Variants in FANCI observed in about 807,000 individuals in gnomAD.
FANCI encodes FA complementation group I.
FANCI carries 156 observed loss-of-function variants against 176.1 expected under a neutral mutation model. The observed-to-expected ratio is 0.89, with a 90% CI of 0.78 to 1.01. The LOEUF (loss-of-function observed/expected upper bound fraction) is 1.01. Among genes scored for constraint, FANCI ranks in the 50% least tolerant of loss-of-function variants. The pLI is 0.00. For synonymous variants in FANCI, 613 were observed against 541.7 expected (o/e 1.13, Z -1.83); for missense variants, 1,678 against 1,534.1 (o/e 1.09, Z -1.57).
rs145192583 is a variant in FANCI at position 89,300,313 on chromosome 15, G to T, written c.2817G>T (p.Lys939Asn). The change falls in exon 26 of 38, where the codon AAG becomes AAT. Residue 939 changes from lysine (K) to asparagine (N), a missense_variant. Physicochemically the swap from Lys to Asn is moderately conservative, Grantham distance 94 (BLOSUM62 0). Around this residue, in one of 3 missense-constraint regions of FANCI, gnomAD observed 1,204 missense variants for 1,077.4 expected, o/e 1.12. Transcript: ENST00000310775. ...TTCCATTCCTAGATGTCACAGATAAGGAAGGAGAAGAGAGAGAAGATGCAG... is the reference window on the plus strand; with the variant it reads ...TTCCATTCCTAGATGTCACAGATAATGAAGGAGAAGAGAGAGAAGATGCAG... ...QFLRALDVTD[K>N]EGEEREDADV... 450 of 1,613,730 alleles carry T rather than the reference G, an allele frequency of 2.8e-4. 1 individual carries two copies. The African/African-American group carries it at 4.4e-3, about 16-fold the overall frequency.
Position 89,315,387 on chromosome 15 carries a change from G to A in FANCI, c.3922G>A (p.Glu1308Lys). The A allele has an allele frequency of 2.5e-6, 4 of 1,604,716 alleles. No homozygotes were observed. Among genetic ancestry groups the A allele is most frequent in the Non-Finnish European group, 3.4e-6 (4 of 1,171,504 alleles). Residue 1308 changes from glutamate (E) to lysine (K), a missense_variant and splice_region_variant, in exon 37 of 38, where the codon GAG becomes AAG. Transcript: ENST00000310775. ...AGAGGATGGTGAAGATGAAAATGAA[G>A]AGGTCAGTGCTGGCTTCTGTCTGGA... Reference protein sequence around the residue: ...LREDGEDENEEGTASEHGGQN... With the variant: ...LREDGEDENEKGTASEHGGQN...
rs571745030 is a variant in FANCI at position 89,263,907 on chromosome 15, G to C, written c.550G>C (p.Val184Leu). 45 of 1,614,062 alleles carry C rather than the reference G, an allele frequency of 2.8e-5. No individual in the cohort carries two copies. The highest frequency in any genetic ancestry group is 1.3e-4 in the Admixed American group (8 of 60,016). ...VIQLTSMFKD[V>L]PLTAEEVEFV... ...TTTAGAATCTTTGATCCACAGGGAT[G>C]TCCCTCTGACTGCAGAAGAGGTGGA... The change falls in exon 8 of 38, where the codon GTC becomes CTC. Residue 184 changes from valine (V) to leucine (L), a missense_variant. Val to Leu is a conservative substitution (Grantham distance 32). Transcript: ENST00000310775.
chr15:89,289,042 G>T (rs183817298), intron 18 of FANCI, among the ~76,000 whole-genome samples: 2 of 150,846 alleles, frequency 1.3e-5, no homozygotes, highest in Admixed American at 1.3e-4. Context: ...TGTTTTTGAC[G>T]TTTAGCTACT....
chr15:89,256,227 CT>C (rs2052487327), intron 2 of FANCI, among the ~76,000 whole-genome samples: 1 of 152,188 alleles, frequency 6.6e-6, no homozygotes, highest in Non-Finnish European at 1.5e-5. Flanking sequence ...GATAGCATCT[CT>C]TACCTCTACC....
intron 2 of FANCI, among the ~76,000 whole-genome samples, chr15:89,256,839 G>C (rs1317245327): frequency 6.6e-6 from 1 of 152,196 alleles, no homozygotes; most frequent in Non-Finnish European, 1.5e-5. Context: ...CACGTAAACA[G>C]ATGGTGCCAC....
chr15:89,281,610 A>G (rs1008577892), intron 15 of FANCI, among the ~76,000 whole-genome samples, 155 bp from the exon 16 acceptor site: 2 of 152,230 alleles, frequency 1.3e-5, no homozygotes, highest in Non-Finnish European at 2.9e-5. Context: ...GTTTCAGAGT[A>G]TACTATTGTC....
chr15:89,254,976 C>T (rs539438444), intron 2 of FANCI, among the ~76,000 whole-genome samples: 1 of 152,134 alleles, frequency 6.6e-6, no homozygotes, highest in Non-Finnish European at 1.5e-5. Flanking sequence ...AACATTGATA[C>T]GATACAATTA....
At chr15:89,269,340 T>C (rs1214227403) in intron 10 of FANCI, among the ~76,000 whole-genome samples, 1 of 152,064 alleles carries the variant, frequency 6.6e-6, no homozygotes, top group Non-Finnish European at 1.5e-5. Context: ...TCCATAATAT[T>C]ATTTAATTTA....
intron 2 of FANCI, among the ~76,000 whole-genome samples, chr15:89,254,963 A>G (rs907298004): frequency 6.6e-6 from 1 of 152,234 alleles, no homozygotes; most frequent in Admixed American, 6.5e-5. Flanking sequence ...GGGGGACTTT[A>G]AAAACATTGA....
intron 32 of FANCI, among the ~76,000 whole-genome samples, chr15:89,306,615 C>T (rs1047862569): frequency 3.3e-5 from 5 of 150,202 alleles, no homozygotes; most frequent in Non-Finnish European, 5.9e-5. Context: ...TCGCTTGAAC[C>T]CAGGAGGCGG....
intron 24 of FANCI, among the ~76,000 whole-genome samples, chr15:89,297,737 C>T (rs980212866): frequency 3.9e-5 from 4 of 103,572 alleles, no homozygotes; most frequent in South Asian, 3.6e-4. Context: ...AGAGGGAGAC[C>T]GTGGAAAGAG....
At chr15:89,303,609 G>A (rs2054604069) in intron 27 of FANCI, among the ~76,000 whole-genome samples, 1 of 152,232 alleles carries the variant, frequency 6.6e-6, no homozygotes, top group Admixed American at 6.5e-5. Flanking sequence ...GGAAGTTCAG[G>A]TGTAAGGACC....
Position 89,247,655 on chromosome 15 carries a change from A to G in FANCI, c.8A>G (p.Gln3Arg), listed in dbSNP as rs374932314. The G allele has an allele frequency of 1.2e-6, 2 of 1,613,894 alleles. No individual in the cohort carries two copies. The highest frequency in any genetic ancestry group is 2.7e-5 in the African/African-American group (2 of 74,938). The change falls in exon 2 of 38, where the codon CAG becomes CGG. Residue 3 changes from glutamine to arginine, a missense_variant. Around this residue, in one of 3 missense-constraint regions of FANCI, gnomAD observed 469 missense variants for 436.9 expected, o/e 1.07. Transcript: ENST00000310775. ...TCTGTGATATGAGCAACAATGGACC[A>G]GAAGATTTTATCTCTAGCAGCAGAA... MD[Q>R]KILSLAAEKT... is the part of the protein sequence containing the mutation.
intron 1 of FANCI, chr15:89,245,897 C>T (rs1399656785): frequency 1.3e-5 from 2 of 152,262 alleles, no homozygotes; most frequent in East Asian, 3.9e-4. Context: ...AGTTAGGAAA[C>T]GATTGCAGTA....
chr15:89,278,996 C>G (rs2053509189), intron 14 of FANCI, among the ~76,000 whole-genome samples: 1 of 152,170 alleles, frequency 6.6e-6, no homozygotes, highest in Admixed American at 6.5e-5. Flanking sequence ...AGTAAAACTT[C>G]CATTTTGCTC....
chr15:89,274,639 C>G (rs138487760), intron 12 of FANCI, among the ~76,000 whole-genome samples: 2,985 of 114,648 alleles, frequency 0.026, 71 homozygotes, highest in Non-Finnish European at 0.038. Context: ...GAGTCTCACT[C>G]TGTCACCGAG....
At chr15:89,280,585 AT>A (rs2053577124) in intron 14 of FANCI, among the ~76,000 whole-genome samples, 1 of 151,640 alleles carries the variant, frequency 6.6e-6, no homozygotes, top group South Asian at 2.1e-4. Flanking sequence ...CCTTCTCCTC[AT>A]TGCTTTCCTA....
rs2055292561 is a variant in FANCI at position 89,317,064 on chromosome 15, C to T, written c.*605C>T. 1 of 590,192 alleles carries T rather than the reference C, an allele frequency of 1.7e-6. No individual in the cohort carries two copies. The highest frequency in any genetic ancestry group is 3.0e-5 in the Admixed American group (1 of 33,446). The allele number at this position is 590,192 out of a possible 1,614,324, so 36.6% of individuals were successfully genotyped here. A position where few individuals can be genotyped will look rare whatever the true frequency, so the allele number is the denominator to read the frequency against. ...ATTTACTTGTTTGGTATTTAAAGCA[C>T]AGTTTGTTTTTCTGTCACCTATAGA... is the stretch of plus-strand genomic sequence containing the variant. On this transcript the variant is annotated 3_prime_UTR_variant, in exon 38 of 38. Coordinates refer to ENST00000310775, the MANE Select transcript of FANCI (RefSeq NM_001113378.2).
chr15:89,265,711 G>C (rs1035315837), intron 9 of FANCI, among the ~76,000 whole-genome samples: 1 of 151,144 alleles, frequency 6.6e-6, no homozygotes, highest in African/African-American at 2.4e-5. Context: ...TTTTAGTAGC[G>C]ATGGGGTTTC....
Sources: gnomAD v4.1 joint callset for allele counts (sites outside exome capture counted in the v4.1 genomes callset) on GRCh38, gnomAD v4.1.1 for gene constraint, gnomAD v4.1.1 regional missense constraint, MANE v1.5 for transcripts, NCBI Gene and HGNC (gene_info 2026-07-23, HGNC 2026-07-21) for gene names.